The following ULK2 variants were observed in gnomAD, a reference collection of about 807,000 sequenced individuals.
ULK2 encodes the protein serine/threonine-protein kinase ULK2.
A neutral mutation model predicts 127.5 loss-of-function variants in ULK2; 76 were observed. That is an observed-to-expected ratio of 0.60 (90% CI 0.50 to 0.72). The LOEUF is 0.72. ULK2 is among the 30% of genes least tolerant of loss of function. The probability of loss-of-function intolerance (pLI) is 0.00; values close to 1 mark genes in which losing one functional copy is unlikely to be tolerated. For missense variants in ULK2, 1,144 were observed against 1,295.9 expected (o/e 0.88, Z 1.80); for synonymous variants, 452 against 461.9 (o/e 0.98, Z 0.28).
chr17:19,843,213 C>A lies in ULK2; in HGVS notation c.553G>T (p.Val185Phe). The A allele has an allele frequency of 6.4e-7, 1 of 1,560,172 alleles. No homozygotes were observed. Among genetic ancestry groups the A allele is most frequent in the Non-Finnish European group, 8.6e-7 (1 of 1,160,844 alleles). Residue 185 changes from valine to phenylalanine, a missense_variant, in exon 8 of 27, where the codon GTT (valine) becomes TTT (phenylalanine). Physicochemically the swap from Val to Phe is conservative, Grantham distance 50. Around this residue, in one of 2 missense-constraint regions of ULK2, gnomAD observed 231 missense variants for 325.4 expected, o/e 0.71. Transcript: ENST00000395544. ...CGSPMYMAPEVIMSQHYDAKA... is the reference protein window; with the variant it reads ...CGSPMYMAPEFIMSQHYDAKA... ...GCATCATAATGTTGAGACATAATAA[C>A]CTCAGGAGCCTGGGAACAGAAAAAT...
intron 12 of ULK2, among the ~76,000 whole-genome samples, chr17:19,818,215 C>T (rs748379420): frequency 1.3e-5 from 2 of 150,794 alleles, no homozygotes; most frequent in South Asian, 2.1e-4. Context: ...CCCAGCTACT[C>T]GGGGGGTTGA....
intron 10 of ULK2, among the ~76,000 whole-genome samples, chr17:19,832,893 C>T (rs2041495220): frequency 1.3e-5 from 2 of 151,968 alleles, no homozygotes; most frequent in Admixed American, 1.3e-4. Context: ...GAGGCCGAGG[C>T]AGGTGGATCA....
chr17:19,801,879 G>A lies in ULK2; in HGVS notation c.1339C>T (p.Leu447Phe). Residue 447 changes from leucine (L) to phenylalanine (F), a missense_variant, in exon 16 of 27, where the codon CTC becomes TTC. By Grantham distance (22) the Leu-to-Phe change is conservative (BLOSUM62 0). This residue lies in a region of ULK2 where 913 missense variants were observed against 970.5 expected (regional missense o/e 0.94). Coordinates refer to ENST00000395544, the MANE Select transcript of ULK2 (RefSeq NM_014683.4). ...RRSNTSPMGF[L>F]RPGSCSPVPA... ...ACTGGGGAGCATGATCCCGGCCGGA[G>A]GAAGCCCATGGGGCTGGTGTTGGAC... 6.2e-7 allele frequency: 1 copy of A among 1,613,982 alleles called. No homozygotes were observed. The highest frequency in any genetic ancestry group is 8.5e-7 in the Non-Finnish European group (1 of 1,179,978).
chr17:19,849,892 A>G (rs1386765634), intron 3 of ULK2, 118 bp from the exon 4 acceptor site: 1 of 596,478 alleles, frequency 1.7e-6, no homozygotes, highest in African/African-American at 1.9e-5. Context: ...TGAAATCACA[A>G]AATCTATTAG....
At chr17:19,828,353 T>C (rs1194172578) in intron 10 of ULK2, among the ~76,000 whole-genome samples, 1 of 152,194 alleles carries the variant, frequency 6.6e-6, no homozygotes, top group African/African-American at 2.4e-5. Flanking sequence ...GCACTGGCAA[T>C]TTAAAATCCA....
chr17:19,809,815 G>C (rs894102708), intron 14 of ULK2, among the ~76,000 whole-genome samples: 5 of 151,738 alleles, frequency 3.3e-5, no homozygotes, highest in African/African-American at 1.2e-4. Flanking sequence ...TGAGACAGGA[G>C]AATGGCTTGA....
chr17:19,810,296 T>C (rs966571174), intron 14 of ULK2, 82 bp downstream of exon 14: 1 of 824,606 alleles, frequency 1.2e-6, no homozygotes, highest in Non-Finnish European at 1.8e-6. Context: ...AAATCTTAAA[T>C]CAAGAACACT....
At chr17:19,862,907 T>C (rs1314308882) in intron 3 of ULK2, among the ~76,000 whole-genome samples, 4 of 152,136 alleles carry the variant, frequency 2.6e-5, no homozygotes, top group African/African-American at 7.2e-5. Context: ...TGGCACATAA[T>C]AGTCACTCAA....
rs548413070 is a variant in ULK2 at position 19,771,941 on chromosome 17, C to T, written c.*4408G>A. ...TGCTGCAGAGCCCAGGGAGGTCCGC[C>T]CTGCGCAGAGAGGGAGTGCAGACCT... is the stretch of plus-strand genomic sequence containing the variant. On this transcript the variant is annotated 3_prime_UTR_variant, in exon 27 of 27. Transcript: ENST00000395544. 1 of 152,430 alleles carries T rather than the reference C, an allele frequency of 6.6e-6. No homozygotes were observed. Among genetic ancestry groups the T allele is most frequent in the East Asian group, 1.9e-4 (1 of 5,184 alleles). The allele number at this position is 152,430 out of a possible 1,614,324, so 9.4% of individuals were successfully genotyped here.
intron 14 of ULK2, among the ~76,000 whole-genome samples, chr17:19,809,479 T>C (rs1033033762): frequency 2.0e-5 from 3 of 152,112 alleles, no homozygotes; most frequent in African/African-American, 7.2e-5. Context: ...ACAACTGTAA[T>C]CCCAGCACTT....
In ULK2 at chr17:19,816,831, A is replaced by G. The variant is rs1303273437; in HGVS notation, c.1014T>C (p.Ser338=). 8 of 1,612,604 alleles carry G rather than the reference A, an allele frequency of 5.0e-6. No individual in the cohort carries two copies. In the South Asian group the frequency reaches 8.8e-5, roughly 18 times the overall value. The change falls in exon 13 of 27, where the codon TCT becomes TCC. Residue 338 remains serine (S), a synonymous_variant. Transcript: ENST00000395544. Reference sequence around the variant, plus strand: ...AAGAGTTCTTGCTACTAGTACTGGCAGAATCTTTGGAAACTTGTAGATAGT... The same window carrying G: ...AAGAGTTCTTGCTACTAGTACTGGCGGAATCTTTGGAAACTTGTAGATAGT... The part of the protein sequence containing the change: ...PPNYLQVSKD[S]ASTSSKNSSC...
chr17:19,821,382 TAA>T (rs1404033627), intron 12 of ULK2, among the ~76,000 whole-genome samples: 1 of 151,026 alleles, frequency 6.6e-6, no homozygotes, highest in Non-Finnish European at 1.5e-5. Flanking sequence ...GTATCATAAT[TAA>T]AAGAGTGATT....
intron 3 of ULK2, among the ~76,000 whole-genome samples, chr17:19,854,808 T>C (rs2042089233): frequency 6.6e-6 from 1 of 150,654 alleles, no homozygotes; most frequent in South Asian, 2.1e-4. Flanking sequence ...CTTCCATATA[T>C]TAAAGACACG....
At position 19,856,849 on chromosome 17, in the gene ULK2, C is replaced by T. The variant is rs148664933; in HGVS notation, c.226-7075G>A. ...AAAATTAGCCAGGCATGGTGGTAGGCGCCTGTAGTCCCAGCTACTCGGGAG... is the reference window on the plus strand; with the variant it reads ...AAAATTAGCCAGGCATGGTGGTAGGTGCCTGTAGTCCCAGCTACTCGGGAG... On this transcript the variant is annotated intron_variant, in intron 3 of 26. Transcript: ENST00000395544. Among the ~76,000 whole-genome samples, 646 of 147,940 alleles carry T rather than the reference C, an allele frequency of 4.4e-3. 8 individuals carry two copies. Among genetic ancestry groups the T allele is most frequent in the African/African-American group, 0.015 (594 of 40,080 alleles).
intron 10 of ULK2, among the ~76,000 whole-genome samples, chr17:19,834,300 G>A (rs561514068): frequency 1.3e-5 from 2 of 152,178 alleles, no homozygotes; most frequent in South Asian, 4.1e-4. Flanking sequence ...CTGAGAATTT[G>A]TATAAAGAGC....
intron 14 of ULK2, among the ~76,000 whole-genome samples, chr17:19,806,875 T>C (rs2087527355): frequency 6.6e-6 from 1 of 152,206 alleles, no homozygotes; most frequent in Non-Finnish European, 1.5e-5. Flanking sequence ...CACAATCACA[T>C]GTTATTCTAT....
At chr17:19,787,191 G>A (rs763138910) in intron 20 of ULK2, among the ~76,000 whole-genome samples, 1 of 152,166 alleles carries the variant, frequency 6.6e-6, no homozygotes, top group Non-Finnish European at 1.5e-5. Context: ...GTTTCATCAT[G>A]TTGGCCAGGA....
intron 10 of ULK2, among the ~76,000 whole-genome samples, chr17:19,834,451 C>A (rs2041540797): frequency 1.3e-5 from 2 of 148,752 alleles, no homozygotes. Context: ...TATATGACAA[C>A]ACAAAAGAGG....
In ULK2 at chr17:19,781,982, C is replaced by T; in HGVS notation, c.2546G>A (p.Gly849Glu). ...CVLDLTAMRG[G>E]NPELCTSAVS... is the part of the protein sequence containing the mutation. ...AGCAGATGTGCACAGCTCAGGGTTT[C>T]CTCCCCTCATGGCTGTCAGGTCCAG... The change falls in exon 23 of 27, where the codon GGA becomes GAA. Residue 849 changes from glycine (G) to glutamate (E), a missense_variant. Physicochemically the swap from Gly to Glu is moderately conservative, Grantham distance 98. Transcript: ENST00000395544. The T allele has an allele frequency of 6.2e-7, 1 of 1,614,210 alleles. No homozygotes were observed. Among genetic ancestry groups the T allele is most frequent in the Non-Finnish European group, 8.5e-7 (1 of 1,180,048 alleles).
Sources: gnomAD v4.1 joint callset for allele counts (sites outside exome capture counted in the v4.1 genomes callset) on GRCh38, gnomAD v4.1.1 for gene constraint, gnomAD v4.1.1 regional missense constraint, MANE v1.5 for transcripts, NCBI Gene and HGNC (gene_info 2026-07-23, HGNC 2026-07-21) for gene names.